ERBB4: variants seen among roughly 807,000 people sequenced by gnomAD.
ERBB4 encodes the protein erb-b2 receptor tyrosine kinase 4.
ERBB4 carries 42 observed loss-of-function variants against 158.0 expected under a neutral mutation model. The observed-to-expected ratio is 0.27, with a 90% CI of 0.21 to 0.34. The LOEUF is 0.34. Among genes scored for constraint, ERBB4 ranks in the 10% least tolerant of loss-of-function variants. The pLI is 1.00. For synonymous variants in ERBB4, 583 were observed against 558.7 expected, an observed-to-expected ratio of 1.04 and a Z score of -0.61; for missense variants, 1,333 against 1,624.1, an observed-to-expected ratio of 0.82 and a Z score of 3.08.
intron 20 of ERBB4, among the ~76,000 whole-genome samples, chr2:211,527,346 G>T (rs1020097667): frequency 1.3e-5 from 2 of 152,012 alleles, no homozygotes; most frequent in Admixed American, 1.3e-4. Context: ...AGTATATCTG[G>T]ACAAAATATC....
At chr2:211,875,044 A>AAAAAAAAAAAAAAAAAAAC (rs2078460408) in intron 3 of ERBB4, among the ~76,000 whole-genome samples, 1 of 113,970 alleles carries the variant, frequency 8.8e-6, no homozygotes, top group African/African-American at 2.7e-5. Flanking sequence ...AAAAAAAAAA[A>AAAAAAAAAAAAAAAAAAAC]AAAAAACAAA....
At chr2:211,545,153 A>G (rs969790629) in intron 20 of ERBB4, among the ~76,000 whole-genome samples, 2 of 152,162 alleles carry the variant, frequency 1.3e-5, no homozygotes, top group African/African-American at 4.8e-5. Context: ...AAAGCTTTAA[A>G]GAAATAGCCA....
intron 1 of ERBB4, among the ~76,000 whole-genome samples, chr2:212,159,805 A>G (rs1379500438): frequency 6.6e-6 from 1 of 152,048 alleles, no homozygotes; most frequent in Non-Finnish European, 1.5e-5. Context: ...AATGCTACGT[A>G]CATCCATATT....
intron 4 of ERBB4, among the ~76,000 whole-genome samples, chr2:211,773,619 T>TATATATATATATATATATAATATATATAC (rs2075779451): frequency 1.7e-5 from 1 of 58,052 alleles, no homozygotes; most frequent in East Asian, 2.9e-4. Context: ...TATATATATA[T>TATATATATATATATATATAATATATATAC]ATATATATAT....
chr2:211,679,976 A>G lies in ERBB4; in HGVS notation c.1490-792T>C, dbSNP rs180930039. ...ATTACAGTCGTGAGGCACTGCGCCAACCAAAATATAAGTTTTCTACAGGAC... is the reference window on the plus strand; with the variant it reads ...ATTACAGTCGTGAGGCACTGCGCCAGCCAAAATATAAGTTTTCTACAGGAC... On this transcript the variant is annotated intron_variant, in intron 12 of 27. Coordinates refer to ENST00000342788, the MANE Select transcript of ERBB4 (RefSeq NM_005235.3). Among the ~76,000 whole-genome samples the G allele has an allele frequency of 2.6e-5, 4 of 152,264 alleles. No individual in the cohort carries two copies. In the East Asian group the frequency reaches 7.7e-4, roughly 29 times the overall value.
intron 3 of ERBB4, among the ~76,000 whole-genome samples, chr2:211,839,362 T>C (rs1247792760): frequency 2.1e-5 from 2 of 97,392 alleles, no homozygotes; most frequent in Non-Finnish European, 5.4e-5. Flanking sequence ...ATACAAGATA[T>C]AATAAAAAAA....
At chr2:212,083,642 C>G (rs1045915072) in intron 2 of ERBB4, among the ~76,000 whole-genome samples, 3 of 151,512 alleles carry the variant, frequency 2.0e-5, no homozygotes, top group East Asian at 1.9e-4. Flanking sequence ...CCCCTCCCCC[C>G]CAAAAAAAAC....
chr2:212,221,746 C>T (rs2083297276), intron 1 of ERBB4, among the ~76,000 whole-genome samples: 1 of 151,414 alleles, frequency 6.6e-6, no homozygotes, highest in South Asian at 2.1e-4. Context: ...TTTTCCTCTT[C>T]TGTAGGAGAG....
chr2:211,699,888 C>T (rs1412942646), intron 12 of ERBB4, among the ~76,000 whole-genome samples: 1 of 152,026 alleles, frequency 6.6e-6, no homozygotes, highest in African/African-American at 2.4e-5. Flanking sequence ...TGAAATATCC[C>T]TTTTTCCCAT....
At chr2:212,057,596 C>T (rs2077621226) in intron 2 of ERBB4, among the ~76,000 whole-genome samples, 1 of 152,146 alleles carries the variant, frequency 6.6e-6, no homozygotes, top group South Asian at 2.1e-4. Flanking sequence ...GACCACAGTG[C>T]AATCAAACTA....
chr2:212,032,180 G>A (rs543097687), intron 2 of ERBB4, among the ~76,000 whole-genome samples: 11 of 152,132 alleles, frequency 7.2e-5, no homozygotes, highest in African/African-American at 1.7e-4. Context: ...AATGAGTCAC[G>A]GCTGGCTTTT....
At chr2:212,356,486 C>T (rs1372232542) in intron 1 of ERBB4, among the ~76,000 whole-genome samples, 3 of 151,960 alleles carry the variant, frequency 2.0e-5, no homozygotes, top group African/African-American at 7.2e-5. Context: ...CCTCCTCCTC[C>T]CAATGGCAAA....
chr2:212,147,157 A>AC (rs2080706145), intron 1 of ERBB4, among the ~76,000 whole-genome samples: 1 of 34,238 alleles, frequency 2.9e-5, no homozygotes, highest in Non-Finnish European at 5.2e-5. Flanking sequence ...TGCCCAGCTA[A>AC]TTTTTTTTTT....
intron 3 of ERBB4, among the ~76,000 whole-genome samples, chr2:211,803,032 C>T (rs2076535027): frequency 6.6e-6 from 1 of 152,182 alleles, no homozygotes. Flanking sequence ...AAAATCCTTT[C>T]ACACAATGTA....
chr2:211,684,325 C>T (rs2072476561), intron 12 of ERBB4, among the ~76,000 whole-genome samples: 1 of 152,142 alleles, frequency 6.6e-6, no homozygotes, highest in Non-Finnish European at 1.5e-5. Flanking sequence ...GTGTTGCATG[C>T]CTCTAATCCC....
In ERBB4 at chr2:211,907,501, A is replaced by C. The variant is rs201226873; in HGVS notation, c.421+39929T>G. 1.7e-4 allele frequency among the ~76,000 whole-genome samples: 25 copies of C among 151,492 alleles called. 1 individual carries two copies. Among genetic ancestry groups the C allele is most frequent in the East Asian group, 9.9e-4 (5 of 5,064 alleles). ...GACCATATAAGCCTATCAAACCCAG[A>C]GTTGAAAGTGATTATTTGTCTTGGA... On this transcript the variant is annotated intron_variant, in intron 3 of 27. Coordinates refer to ENST00000342788, the MANE Select transcript of ERBB4 (RefSeq NM_005235.3).
intron 4 of ERBB4, among the ~76,000 whole-genome samples, chr2:211,773,644 ATAT>A (rs1201207548): frequency 4.5e-5 from 4 of 89,554 alleles, no homozygotes; most frequent in East Asian, 5.1e-4. Context: ...ATATATATAT[ATAT>A]AATATATATA....
At chr2:212,342,097 A>T (rs1265930920) in intron 1 of ERBB4, among the ~76,000 whole-genome samples, 1 of 152,178 alleles carries the variant, frequency 6.6e-6, no homozygotes, top group Non-Finnish European at 1.5e-5. Context: ...CATCTCTACA[A>T]AAAGTAAAAA....
At chr2:211,872,486 G>C (rs1428569287) in intron 3 of ERBB4, among the ~76,000 whole-genome samples, 1 of 151,974 alleles carries the variant, frequency 6.6e-6, no homozygotes, top group African/African-American at 2.4e-5. Context: ...GATTTACTGA[G>C]TTATATCTAT....
Sources: gnomAD v4.1 joint callset for allele counts (sites outside exome capture counted in the v4.1 genomes callset) on GRCh38, gnomAD v4.1.1 for gene constraint, MANE v1.5 for transcripts, NCBI Gene and HGNC (gene_info 2026-07-23, HGNC 2026-07-21) for gene names.